The following FER1L6 variants were observed in gnomAD, a reference collection of about 807,000 sequenced individuals.
FER1L6 encodes the protein fer-1-like protein 6.
In FER1L6, 177 loss-of-function variants were observed where a neutral mutation model predicts 219.2. The observed-to-expected ratio is 0.81, with a 90% confidence interval of 0.71 to 0.91. The LOEUF is 0.91. FER1L6 is among the 40% of genes least tolerant of loss of function. The pLI is 0.00. For synonymous variants in FER1L6, 768 were observed against 824.3 expected (o/e 0.93, Z 1.17); for missense variants, 2,153 against 2,259.9 (o/e 0.95, Z 0.96).
chr8:123,875,458 GCTC>G (rs1282215555), intron 1 of FER1L6, among the ~76,000 whole-genome samples: 1 of 152,068 alleles, frequency 6.6e-6, no homozygotes, highest in Non-Finnish European at 1.5e-5. Flanking sequence ...CTTAAGCCTT[GCTC>G]CTCCTCCTGT....
chr8:123,995,701 A>G (rs187893108), intron 12 of FER1L6, among the ~76,000 whole-genome samples: 1 of 151,916 alleles, frequency 6.6e-6, no homozygotes, highest in East Asian at 1.9e-4. Context: ...CTTTCCTTAT[A>G]CTAATTTTGA....
At chr8:123,955,895 G>A (rs763657692) in intron 1 of FER1L6, 97 bp from the exon 2 acceptor site, 8 of 1,100,344 alleles carry the variant, frequency 7.3e-6, no homozygotes, top group South Asian at 1.4e-5. Context: ...GAGGCTGGTG[G>A]GCTTCATGAA....
Position 124,097,867 on chromosome 8 carries a change from G to T in FER1L6, c.4867G>T (p.Asp1623Tyr). 1 of 1,576,740 alleles carries T rather than the reference G, an allele frequency of 6.3e-7. No homozygotes were observed. The highest frequency in any genetic ancestry group is 8.7e-7 in the Non-Finnish European group (1 of 1,146,098). Residue 1623 changes from aspartate to tyrosine, a missense_variant, in exon 37 of 41, where the codon GAT (aspartate) becomes TAT (tyrosine). Physicochemically the swap from Asp to Tyr is radical, Grantham distance 160 (BLOSUM62 -3). Transcript: ENST00000522917. ...TATCTTCACAGGCCAAAAATCAAGT[G>T]ATATTTATGTGAAAGGGTAAGGTTA... ...ENIFTGQKSS[D>Y]IYVKGWLKGL...
At chr8:123,958,174 G>A (rs1815101560) in intron 2 of FER1L6, among the ~76,000 whole-genome samples, 2 of 152,212 alleles carry the variant, frequency 1.3e-5, no homozygotes, top group Admixed American at 1.3e-4. Flanking sequence ...TTAAGTGTCA[G>A]CCCTGGGCTA....
chr8:124,082,845 G>C (rs981867262), intron 33 of FER1L6, among the ~76,000 whole-genome samples: 2 of 152,138 alleles, frequency 1.3e-5, no homozygotes, highest in African/African-American at 4.8e-5. Context: ...CGATAACAAA[G>C]CACTTTACAT....
chr8:123,954,059 C>T (rs1460278596), intron 1 of FER1L6, among the ~76,000 whole-genome samples: 2 of 152,174 alleles, frequency 1.3e-5, no homozygotes, highest in Non-Finnish European at 2.9e-5. Context: ...CAGATGCTGT[C>T]TTAGATGATT....
At chr8:123,938,537 T>A (rs930592631) in intron 1 of FER1L6, among the ~76,000 whole-genome samples, 1 of 128,678 alleles carries the variant, frequency 7.8e-6, no homozygotes, top group Non-Finnish European at 1.6e-5. Flanking sequence ...ACAATTTACC[T>A]GAAATTTTTT....
rs1457948481 is a variant in FER1L6, at chr8:124,082,326, T to C, written c.4259T>C (p.Leu1420Pro). The C allele has an allele frequency of 9.3e-6, 15 of 1,613,774 alleles. No homozygotes were observed. In the Admixed American group the frequency reaches 1.8e-4, roughly 20 times the overall value. The part of the protein sequence containing the change: ...EIQATFPKES[L>P]LSILIYDHDM... ...CAAGCCACATTCCCAAAAGAGTCCC[T>C]GCTCTCCATCCTGATCTATGACCAT... Residue 1420 changes from leucine to proline, a missense_variant, in exon 33 of 41, where the codon CTG (leucine) becomes CCG (proline). Physicochemically the swap from Leu to Pro is moderately conservative, Grantham distance 98 (BLOSUM62 -3). Coordinates refer to ENST00000522917, the MANE Select transcript of FER1L6 (RefSeq NM_001039112.2).
intron 1 of FER1L6, among the ~76,000 whole-genome samples, chr8:123,907,193 C>A (rs1211369560): frequency 2.0e-5 from 3 of 152,172 alleles, no homozygotes. Flanking sequence ...ATACACTTTG[C>A]TACCACCAGC....
At chr8:123,966,681 G>C (rs1305031940) in intron 5 of FER1L6, among the ~76,000 whole-genome samples, 1 of 152,140 alleles carries the variant, frequency 6.6e-6, no homozygotes, top group Non-Finnish European at 1.5e-5. Context: ...TTTTGAAACA[G>C]GCATACTACC....
Position 123,963,302 on chromosome 8 carries a change from T to G in FER1L6, c.101T>G (p.Leu34Arg), listed in dbSNP as rs370045096. The change falls in exon 3 of 41, where the codon CTG (leucine) becomes CGG (arginine). Residue 34 changes from leucine to arginine, a missense_variant. By Grantham distance (102) the Leu-to-Arg change is moderately radical. Coordinates refer to ENST00000522917, the MANE Select transcript of FER1L6 (RefSeq NM_001039112.2). Reference sequence around the variant, plus strand: ...GATAGTCAAGGTGACACTGAAGCACTGCAGGAGGAGCCTTCTCACCAGGAA... The same window carrying G: ...GATAGTCAAGGTGACACTGAAGCACGGCAGGAGGAGCCTTCTCACCAGGAA... The part of the protein sequence containing the change: ...AKDSQGDTEA[L>R]QEEPSHQEGP... 12 of 1,614,000 alleles carry G rather than the reference T, an allele frequency of 7.4e-6. No individual in the cohort carries two copies. The East Asian group carries it at 8.9e-5, about 12-fold the overall frequency.
At chr8:123,893,968 C>T (rs1276044432) in intron 1 of FER1L6, among the ~76,000 whole-genome samples, 3 of 152,066 alleles carry the variant, frequency 2.0e-5, no homozygotes, top group African/African-American at 7.2e-5. Context: ...CCCACAGCAC[C>T]CCTCCTCAGC....
intron 2 of FER1L6, among the ~76,000 whole-genome samples, chr8:123,957,060 G>A (rs1236477393): frequency 6.6e-6 from 1 of 152,154 alleles, no homozygotes; most frequent in African/African-American, 2.4e-5. Context: ...CTAGTTTTCT[G>A]GACCATTCCT....
intron 38 of FER1L6, 116 bp from the exon 39 acceptor site, chr8:124,103,030 A>T: frequency 1.1e-6 from 1 of 938,254 alleles, no homozygotes; most frequent in Non-Finnish European, 1.7e-6. Flanking sequence ...CCAATATGGT[A>T]CTGATTGAAT....
intron 22 of FER1L6, among the ~76,000 whole-genome samples, chr8:124,058,333 T>G (rs1820402594): frequency 6.6e-6 from 1 of 152,210 alleles, no homozygotes; most frequent in African/African-American, 2.4e-5. Context: ...ATGGGGATAT[T>G]AGAGCAGTCT....
chr8:123,895,682 G>A (rs529203456), intron 1 of FER1L6, among the ~76,000 whole-genome samples: 1 of 152,306 alleles, frequency 6.6e-6, no homozygotes, highest in South Asian at 2.1e-4. Flanking sequence ...AACTAAAGTA[G>A]GGAGTCCAGT....
intron 1 of FER1L6, among the ~76,000 whole-genome samples, chr8:123,914,620 G>A (rs904072344): frequency 3.3e-5 from 5 of 152,164 alleles, no homozygotes; most frequent in African/African-American, 1.2e-4. Context: ...GCAGACATCA[G>A]GATTTTGCTG....
intron 1 of FER1L6, among the ~76,000 whole-genome samples, chr8:123,904,224 T>G (rs370072474): frequency 1.4e-5 from 2 of 139,486 alleles, no homozygotes; most frequent in Non-Finnish European, 3.1e-5. Flanking sequence ...CTCTGTATAT[T>G]TGTGTGTGTG....
chr8:124,018,732 C>T (rs930781309), intron 16 of FER1L6, among the ~76,000 whole-genome samples: 2 of 152,186 alleles, frequency 1.3e-5, no homozygotes, highest in African/African-American at 2.4e-5. Flanking sequence ...TAATGGGCAT[C>T]TCCATGCTTA....
Sources: gnomAD v4.1 joint callset for allele counts (sites outside exome capture counted in the v4.1 genomes callset) on GRCh38, gnomAD v4.1.1 for gene constraint, MANE v1.5 for transcripts, NCBI Gene and HGNC (gene_info 2026-07-23, HGNC 2026-07-21) for gene names.